Variants in KCNA1 observed in about 807,000 individuals in gnomAD.
KCNA1 encodes potassium voltage-gated channel subfamily A member 1.
A neutral mutation model predicts 28.8 loss-of-function variants in KCNA1; 19 were observed. The ratio of observed to expected loss-of-function variants is 0.66; its 90% CI spans 0.46 to 0.97. KCNA1 has a LOEUF of 0.97. Ranked by LOEUF, KCNA1 falls within the 50% of genes least tolerant of loss-of-function variation. KCNA1 has a pLI of 0.00. For missense variants in KCNA1, 419 were observed against 659.7 expected (o/e 0.64, Z 4.00); for synonymous variants, 311 against 268.8 (o/e 1.16, Z -1.53).
rs183989674 is a variant in KCNA1 at position 4,915,179 on chromosome 12, C to T, written c.*2313C>T. On this transcript the variant is annotated 3_prime_UTR_variant, in exon 2 of 2. Coordinates refer to ENST00000382545, the MANE Select transcript of KCNA1 (RefSeq NM_000217.3). The stretch of plus-strand genomic sequence containing the variant: ...CCCAGAGAATGGTGGGGACCCTGTT[C>T]CTGGCTGAAAGAGAGCCACGGAACA... 2.3e-4 allele frequency: 39 copies of T among 167,210 alleles called. No individual in the cohort carries two copies. In the East Asian group the frequency reaches 7.3e-3, roughly 31 times the overall value. 10.4% of individuals were successfully genotyped at this position (167,210 alleles called of 1,614,324 possible). A position where few individuals can be genotyped will look rare whatever the true frequency, so the allele number is the denominator to read the frequency against.
In KCNA1 at chr12:4,912,753, G is replaced by C; in HGVS notation, c.1375G>C (p.Glu459Gln). 1 of 1,614,000 alleles carries C rather than the reference G, an allele frequency of 6.2e-7. No homozygotes were observed. The highest frequency in any genetic ancestry group is 8.5e-7 in the Non-Finnish European group (1 of 1,179,986). The change falls in exon 2 of 2, where the codon GAG becomes CAG. Residue 459 changes from glutamate to glutamine, a missense_variant. Coordinates refer to ENST00000382545, the MANE Select transcript of KCNA1 (RefSeq NM_000217.3). ...CAAGTCTGAGTACATGGAGATCGAA[G>C]AGGATATGAATAATAGCATAGCCCA... ...MSKSEYMEIE[E>Q]DMNNSIAHYR... is the part of the protein sequence containing the mutation.
chr12:4,915,443 C>G lies in KCNA1; in HGVS notation c.*2577C>G, dbSNP rs1374651113. On this transcript the variant is annotated 3_prime_UTR_variant, in exon 2 of 2. Transcript: ENST00000382545. ...CTCGAGTTACACCCATTCTGGCTAA[C>G]TCGATTAAAAGAAAGAACATGGATA... 1 of 167,058 alleles carries G rather than the reference C, an allele frequency of 6.0e-6. No homozygotes were observed. Among genetic ancestry groups the G allele is most frequent in the Admixed American group, 6.5e-5 (1 of 15,280 alleles). 10.3% of individuals were successfully genotyped at this position (167,058 alleles called of 1,614,324 possible). A position where few individuals can be genotyped will look rare whatever the true frequency, so the allele number is the denominator to read the frequency against.
At position 4,912,152 on chromosome 12, in the gene KCNA1, C is replaced by T. The variant is rs762353539; in HGVS notation, c.774C>T (p.Asp258=). Residue 258 remains aspartate, a synonymous_variant, in exon 2 of 2, where the codon GAC becomes GAT. Coordinates refer to ENST00000382545, the MANE Select transcript of KCNA1 (RefSeq NM_000217.3). ...DFFKNIMNFI[D]IVAIIPYFIT... is the part of the protein sequence containing the mutation. ...TCAAAAACATCATGAACTTCATAGA[C>T]ATTGTGGCCATCATTCCTTATTTCA... The T allele has an allele frequency of 3.7e-6, 6 of 1,613,924 alleles. No homozygotes were observed. The South Asian group carries it at 5.5e-5, about 15-fold the overall frequency.
At position 4,913,041 on chromosome 12, in the gene KCNA1, C is replaced by G. The variant is rs1394464288; in HGVS notation, c.*175C>G. On this transcript the variant is annotated 3_prime_UTR_variant, in exon 2 of 2. Coordinates refer to ENST00000382545, the MANE Select transcript of KCNA1 (RefSeq NM_000217.3). ...CATTGAGGATTTTGGGGGTGGTGAA[C>G]CAGAAGCTTTCAAGATCCATGACAA... The G allele has an allele frequency of 1.6e-5, 10 of 644,604 alleles. No homozygotes were observed. Among genetic ancestry groups the G allele is most frequent in the Non-Finnish European group, 2.5e-5 (9 of 355,598 alleles). The allele number at this position is 644,604 out of a possible 1,614,324, so 39.9% of individuals were successfully genotyped here.
Position 4,912,192 on chromosome 12 carries a change from G to C in KCNA1, c.814G>C (p.Glu272Gln). The change falls in exon 2 of 2, where the codon GAG (glutamate) becomes CAG (glutamine). Residue 272 changes from glutamate to glutamine, a missense_variant. By Grantham distance (29) the Glu-to-Gln change is conservative. Around this residue, in one of 4 missense-constraint regions of KCNA1, gnomAD observed 217 missense variants for 329.6 expected, o/e 0.66. Coordinates refer to ENST00000382545, the MANE Select transcript of KCNA1 (RefSeq NM_000217.3). ...IIPYFITLGT[E>Q]IAEQEGNQKG... ...TCCTTATTTCATCACGCTGGGCACC[G>C]AGATAGCTGAGCAGGAAGGAAACCA... 6.2e-7 allele frequency: 1 copy of C among 1,612,990 alleles called. No individual in the cohort carries two copies. Among genetic ancestry groups the C allele is most frequent in the Non-Finnish European group, 8.5e-7 (1 of 1,179,698 alleles).
In KCNA1 at chr12:4,911,368, C is replaced by T. The variant is rs1211621955; in HGVS notation, c.-11C>T. ...TCTCCTGGCCTCCCACCCCCGCGCC[C>T]GGCTTCCACCATGACGGTGATGTCT... On this transcript the variant is annotated 5_prime_UTR_variant, in exon 2 of 2. Coordinates refer to ENST00000382545, the MANE Select transcript of KCNA1 (RefSeq NM_000217.3). This position sits in a 1 kb window ranked among gnomAD's most constrained non-coding sequence, Gnocchi z 6.6. 3 of 1,610,982 alleles carry T rather than the reference C, an allele frequency of 1.9e-6. No homozygotes were observed. The highest frequency in any genetic ancestry group is 2.5e-6 in the Non-Finnish European group (3 of 1,179,626).
rs147731985 is a variant in KCNA1 at position 4,912,101 on chromosome 12, C to T, written c.723C>T (p.Phe241=). The change falls in exon 2 of 2, where the codon TTC becomes TTT. Residue 241 remains phenylalanine (F), a synonymous_variant. Coordinates refer to ENST00000382545, the MANE Select transcript of KCNA1 (RefSeq NM_000217.3). The part of the protein sequence containing the change: ...WFSFELVVRF[F]ACPSKTDFFK... The stretch of plus-strand genomic sequence containing the variant: ...CCTTCGAGCTGGTGGTGCGCTTCTT[C>T]GCCTGCCCCAGCAAGACGGACTTCT... 1 of 1,614,116 alleles carries T rather than the reference C, an allele frequency of 6.2e-7. No homozygotes were observed. The highest frequency in any genetic ancestry group is 1.7e-5 in the Admixed American group (1 of 60,020).
rs962399769 is a variant in KCNA1, at chr12:4,911,652, A to G, written c.274A>G (p.Ile92Val). ...FDRNRPSFDA[I>V]LYYYQSGGRL... Reference sequence around the variant, plus strand: ...CCGCAACCGGCCCAGCTTCGACGCCATCCTCTACTACTACCAGTCCGGCGG... The same window carrying G: ...CCGCAACCGGCCCAGCTTCGACGCCGTCCTCTACTACTACCAGTCCGGCGG... The change falls in exon 2 of 2, where the codon ATC (isoleucine) becomes GTC (valine). Residue 92 changes from isoleucine to valine, a missense_variant. Coordinates refer to ENST00000382545, the MANE Select transcript of KCNA1 (RefSeq NM_000217.3). This position sits in a 1 kb window ranked among gnomAD's most constrained non-coding sequence, Gnocchi z 6.6. The G allele has an allele frequency of 6.2e-7, 1 of 1,614,152 alleles. No homozygotes were observed. Among genetic ancestry groups the G allele is most frequent in the Non-Finnish European group, 8.5e-7 (1 of 1,180,046 alleles).
Position 4,913,566 on chromosome 12 carries a change from A to G in KCNA1, c.*700A>G, listed in dbSNP as rs1291461847. The stretch of plus-strand genomic sequence containing the variant: ...TCTAAGAAAAAGTTAACTGAATTAA[A>G]TTAATTGATTCTTCTGCAGTGCCGC... On this transcript the variant is annotated 3_prime_UTR_variant, in exon 2 of 2. Coordinates refer to ENST00000382545, the MANE Select transcript of KCNA1 (RefSeq NM_000217.3). 6.0e-6 allele frequency: 1 copy of G among 167,460 alleles called. No individual in the cohort carries two copies. Among genetic ancestry groups the G allele is most frequent in the Non-Finnish European group, 1.5e-5 (1 of 68,402 alleles). The allele number at this position is 167,460 out of a possible 1,614,324, so 10.4% of individuals were successfully genotyped here.
At position 4,912,972 on chromosome 12, in the gene KCNA1, T is replaced by G; in HGVS notation, c.*106T>G. On this transcript the variant is annotated 3_prime_UTR_variant, in exon 2 of 2. Coordinates refer to ENST00000382545, the MANE Select transcript of KCNA1 (RefSeq NM_000217.3). ...ATGTCACGCTTTGTAGATACTTTACTAAGTAGACTTGGAATGCTCTATTTA... is the reference window on the plus strand; with the variant it reads ...ATGTCACGCTTTGTAGATACTTTACGAAGTAGACTTGGAATGCTCTATTTA... The G allele has an allele frequency of 1.2e-6, 1 of 831,182 alleles. No homozygotes were observed. Among genetic ancestry groups the G allele is most frequent in the Non-Finnish European group, 2.1e-6 (1 of 475,100 alleles). The allele number at this position is 831,182 out of a possible 1,614,324, so 51.5% of individuals were successfully genotyped here. A position where few individuals can be genotyped will look rare whatever the true frequency, so the allele number is the denominator to read the frequency against.
At position 4,913,365 on chromosome 12, in the gene KCNA1, A is replaced by T. The variant is rs1381553878; in HGVS notation, c.*499A>T. ...TATATGTAACATGATAGACCAGCCAAAATGGACAATGAATAGATATTTTTA... is the reference window on the plus strand; with the variant it reads ...TATATGTAACATGATAGACCAGCCATAATGGACAATGAATAGATATTTTTA... On this transcript the variant is annotated 3_prime_UTR_variant, in exon 2 of 2. Transcript: ENST00000382545. 1 of 182,854 alleles carries T rather than the reference A, an allele frequency of 5.5e-6. No individual in the cohort carries two copies. Among genetic ancestry groups the T allele is most frequent in the Non-Finnish European group, 1.3e-5 (1 of 77,780 alleles). The allele number at this position is 182,854 out of a possible 1,614,324, so 11.3% of individuals were successfully genotyped here.
Position 4,912,878 on chromosome 12 carries a change from A to G in KCNA1, c.*12A>G. On this transcript the variant is annotated 3_prime_UTR_variant, in exon 2 of 2. Transcript: ENST00000382545. ...TGACCGATGTTTAAAAAACAAAGGC[A>G]AGCAAACAAAAAAGCCCCACTTAGC... The G allele has an allele frequency of 1.3e-6, 2 of 1,584,620 alleles. No individual in the cohort carries two copies. The highest frequency in any genetic ancestry group is 1.7e-6 in the Non-Finnish European group (2 of 1,153,314).
Position 4,912,519 on chromosome 12 carries a change from G to A in KCNA1, c.1141G>A (p.Val381Met). 6.2e-7 allele frequency: 1 copy of A among 1,614,028 alleles called. No homozygotes were observed. Among genetic ancestry groups the A allele is most frequent in the Non-Finnish European group, 8.5e-7 (1 of 1,180,018 alleles). The change falls in exon 2 of 2, where the codon GTG becomes ATG. Residue 381 changes from valine (V) to methionine (M), a missense_variant. Val to Met is a conservative substitution (Grantham distance 21). Coordinates refer to ENST00000382545, the MANE Select transcript of KCNA1 (RefSeq NM_000217.3). ...TTVGYGDMYP[V>M]TIGGKIVGSL... The stretch of plus-strand genomic sequence containing the variant: ...TGTAGGATACGGTGACATGTACCCT[G>A]TGACAATTGGAGGCAAGATCGTGGG...
chr12:4,909,963 G>A lies in KCNA1; in HGVS notation c.-1049G>A, dbSNP rs1394361841. 2 of 152,758 alleles carry A rather than the reference G, an allele frequency of 1.3e-5. No homozygotes were observed. The highest frequency in any genetic ancestry group is 2.9e-5 in the Non-Finnish European group (2 of 68,168). The allele number at this position is 152,758 out of a possible 1,614,324, so 9.5% of individuals were successfully genotyped here. On this transcript the variant is annotated 5_prime_UTR_variant, in exon 1 of 2. Transcript: ENST00000382545. Reference sequence around the variant, plus strand: ...ACCCTGCTCCACTCCAAGCTCCTAAGGGCTCCTGGCGCGCCGCGTAGCCTT... The same window carrying A: ...ACCCTGCTCCACTCCAAGCTCCTAAAGGCTCCTGGCGCGCCGCGTAGCCTT...
Position 4,911,206 on chromosome 12 carries a change from G to T in KCNA1, c.-173G>T. The T allele has an allele frequency of 1.6e-6, 1 of 610,242 alleles. No individual in the cohort carries two copies. The highest frequency in any genetic ancestry group is 2.9e-6 in the Non-Finnish European group (1 of 345,158). 37.8% of individuals were successfully genotyped at this position (610,242 alleles called of 1,614,324 possible). On this transcript the variant is annotated 5_prime_UTR_variant, in exon 2 of 2. Transcript: ENST00000382545. The surrounding 1 kb of genome is among the most constrained non-coding windows in gnomAD (Gnocchi z 6.6). ...GGCAGGGTGGAGGGGAAGGCAGCGA[G>T]AGGCAAAGTCGCAGATCTCCCGACC...
In KCNA1 at chr12:4,912,267, G is replaced by T; in HGVS notation, c.889G>T (p.Val297Leu). Residue 297 changes from valine (V) to leucine (L), a missense_variant, in exon 2 of 2, where the codon GTA (valine) becomes TTA (leucine). Around this residue, in one of 4 missense-constraint regions of KCNA1, gnomAD observed 54 missense variants for 186.4 expected, o/e 0.29. Coordinates refer to ENST00000382545, the MANE Select transcript of KCNA1 (RefSeq NM_000217.3). ...GGCCATCCTCAGGGTCATCCGCTTG[G>T]TAAGGGTTTTTAGAATCTTCAAGCT... Reference protein sequence around the residue: ...SLAILRVIRLVRVFRIFKLSR... With the variant: ...SLAILRVIRLLRVFRIFKLSR... 1 of 1,612,418 alleles carries T rather than the reference G, an allele frequency of 6.2e-7. No individual in the cohort carries two copies. The highest frequency in any genetic ancestry group is 8.5e-7 in the Non-Finnish European group (1 of 1,179,748).
chr12:4,917,336 T>C lies in KCNA1; in HGVS notation c.*4470T>C, dbSNP rs1947391818. 6.0e-6 allele frequency: 1 copy of C among 167,122 alleles called. No homozygotes were observed. Among genetic ancestry groups the C allele is most frequent in the African/African-American group, 2.4e-5 (1 of 41,466 alleles). 10.4% of individuals were successfully genotyped at this position (167,122 alleles called of 1,614,324 possible). A position where few individuals can be genotyped will look rare whatever the true frequency, so the allele number is the denominator to read the frequency against. On this transcript the variant is annotated 3_prime_UTR_variant, in exon 2 of 2. Transcript: ENST00000382545. The stretch of plus-strand genomic sequence containing the variant: ...TTATATCATGGAATTTCAGGGTATA[T>C]GTGAACATGTCTAGTATGACTCAGG...
In KCNA1 at chr12:4,918,212, A is replaced by G. The variant is rs1947397335; in HGVS notation, c.*5346A>G. The G allele has an allele frequency of 6.0e-6, 1 of 167,062 alleles. No individual in the cohort carries two copies. Among genetic ancestry groups the G allele is most frequent in the Admixed American group, 6.5e-5 (1 of 15,284 alleles). The allele number at this position is 167,062 out of a possible 1,614,324, so 10.3% of individuals were successfully genotyped here. Reference sequence around the variant, plus strand: ...TTCTGTCACTTTACGATCTGTTCATATTTGGCATCAATTAAAGATACTTTT... The same window carrying G: ...TTCTGTCACTTTACGATCTGTTCATGTTTGGCATCAATTAAAGATACTTTT... On this transcript the variant is annotated 3_prime_UTR_variant, in exon 2 of 2. Transcript: ENST00000382545.
Position 4,911,782 on chromosome 12 carries a change from G to A in KCNA1, c.404G>A (p.Gly135Asp). The A allele has an allele frequency of 6.2e-7, 1 of 1,614,014 alleles. No individual in the cohort carries two copies. The highest frequency in any genetic ancestry group is 8.5e-7 in the Non-Finnish European group (1 of 1,179,946). The change falls in exon 2 of 2, where the codon GGC (glycine) becomes GAC (aspartate). Residue 135 changes from glycine to aspartate, a missense_variant. Physicochemically the swap from Gly to Asp is moderately conservative, Grantham distance 94 (BLOSUM62 -1). Transcript: ENST00000382545. The surrounding 1 kb of genome is among the most constrained non-coding windows in gnomAD (Gnocchi z 6.6). ...EAMEKFREDE[G>D]FIKEEERPLP... ...ATGGAGAAGTTCCGGGAGGACGAGGGCTTCATCAAGGAGGAGGAGCGCCCT... is the reference window on the plus strand; with the variant it reads ...ATGGAGAAGTTCCGGGAGGACGAGGACTTCATCAAGGAGGAGGAGCGCCCT...
Sources: allele counts gnomAD v4.1 joint callset, GRCh38; gene constraint gnomAD v4.1.1; regional missense constraint gnomAD v4.1.1; non-coding constraint Gnocchi (gnomAD v3.1); transcripts MANE v1.5; gene names NCBI Gene and HGNC (gene_info 2026-07-23, HGNC 2026-07-21).